The following MLXIPL variants were observed in gnomAD, a reference collection of about 807,000 sequenced individuals.
MLXIPL encodes MLX interacting protein like.
MLXIPL carries 49 observed loss-of-function variants against 81.5 expected under a neutral mutation model. The observed-to-expected ratio is 0.60, with a 90% CI of 0.48 to 0.76. MLXIPL has a LOEUF of 0.76. Ranked by LOEUF, MLXIPL falls within the 30% of genes least tolerant of loss-of-function variation. The pLI is 0.00. For synonymous variants in MLXIPL, 466 were observed against 485.5 expected, an observed-to-expected ratio of 0.96 and a Z score of 0.53; for missense variants, 1,053 against 1,167.0, an observed-to-expected ratio of 0.90 and a Z score of 1.42.
chr7:73,637,562 T>C, the MLXIPL span, among the ~76,000 whole-genome samples: 1 of 152,180 alleles, frequency 6.6e-6, no homozygotes, highest in Non-Finnish European at 1.5e-5. Context: ...TCATATGTCC[T>C]TTGCCAATGT....
the MLXIPL span, among the ~76,000 whole-genome samples, chr7:73,642,528 G>A: frequency 6.6e-6 from 1 of 152,026 alleles, no homozygotes; most frequent in Non-Finnish European, 1.5e-5. Flanking sequence ...ATTTATTTTT[G>A]TATTTTTAGT....
chr7:73,610,566 C>G (rs1271856521), intron 2 of MLXIPL: 1 of 152,246 alleles, frequency 6.6e-6, no homozygotes, highest in Non-Finnish European at 1.5e-5. Flanking sequence ...CTGCACCTCC[C>G]AGGCTCAAGC....
chr7:73,612,048 C>A (rs17145750), intron 2 of MLXIPL, among the ~76,000 whole-genome samples: 2 of 151,462 alleles, frequency 1.3e-5, no homozygotes, highest in Non-Finnish European at 2.9e-5. Flanking sequence ...TGTCCTGGTA[C>A]GGTGTGGTGG....
chr7:73,595,873 C>T lies in MLXIPL; in HGVS notation c.2155G>A (p.Asp719Asn). The T allele has an allele frequency of 1.2e-6, 2 of 1,610,914 alleles. No individual in the cohort carries two copies. Among genetic ancestry groups the T allele is most frequent in the South Asian group, 1.1e-5 (1 of 90,656 alleles). Reference sequence around the variant, plus strand: ...GCGGCATTGAGCTCCTCAATCTCATCCCGCAGCTGCTGGGCCTCCTCCTGC... The same window carrying T: ...GCGGCATTGAGCTCCTCAATCTCATTCCGCAGCTGCTGGGCCTCCTCCTGC... Reference protein sequence around the residue: ...GLQEEAQQLRDEIEELNAAIN... With the variant: ...GLQEEAQQLRNEIEELNAAIN... Residue 719 changes from aspartate (D) to asparagine (N), a missense_variant, in exon 14 of 17, where the codon GAT becomes AAT. This residue lies in a region of MLXIPL where 823 missense variants were observed against 933.0 expected (regional missense o/e 0.88). Coordinates refer to ENST00000313375, the MANE Select transcript of MLXIPL (RefSeq NM_032951.3).
chr7:73,617,003 G>A (rs1430122242), intron 1 of MLXIPL, among the ~76,000 whole-genome samples: 1 of 151,912 alleles, frequency 6.6e-6, no homozygotes, highest in Non-Finnish European at 1.5e-5. Context: ...TTTTGGTTTG[G>A]TTTGGTTTTT....
intron 9 of MLXIPL, 75 bp from the exon 10 acceptor site, chr7:73,597,007 T>C: frequency 6.5e-7 from 1 of 1,533,230 alleles, no homozygotes; most frequent in Non-Finnish European, 8.9e-7. Context: ...ATCCTGCCCC[T>C]CCCAAGAGTC....
At chr7:73,614,690 G>T (rs782328642) in intron 2 of MLXIPL, among the ~76,000 whole-genome samples, 5 of 152,028 alleles carry the variant, frequency 3.3e-5, no homozygotes, top group Non-Finnish European at 7.4e-5. Context: ...ATGAGAATGT[G>T]ACCTCCTTAA....
At chr7:73,647,358 T>C in the MLXIPL span, among the ~76,000 whole-genome samples, 1 of 152,046 alleles carries the variant, frequency 6.6e-6, no homozygotes, top group Admixed American at 6.5e-5. Context: ...TCCACTGGCA[T>C]GTCACCTGCC....
chr7:73,632,735 C>T, the MLXIPL span, among the ~76,000 whole-genome samples: 1 of 142,144 alleles, frequency 7.0e-6, no homozygotes, highest in South Asian at 2.2e-4. Flanking sequence ...CCTTTCATTC[C>T]TTCCTTCTTT....
Position 73,597,698 on chromosome 7 carries a change from G to A in MLXIPL, c.1087C>T (p.Pro363Ser). 1 of 1,358,350 alleles carries A rather than the reference G, an allele frequency of 7.4e-7. No individual in the cohort carries two copies. Among genetic ancestry groups the A allele is most frequent in the South Asian group, 2.3e-5 (1 of 43,912 alleles). The allele number at this position is 1,358,350 out of a possible 1,614,324, so 84.1% of individuals were successfully genotyped here. ...HSRLQARNSC[P>S]GPLDSSAFLS... ...AAGGCGCTGGAGTCCAAGGGGCCAG[G>A]GCAGCTGTTCCGAGCCTGGTTGGGG... Residue 363 changes from proline to serine, a missense_variant, in exon 9 of 17, where the codon CCT (proline) becomes TCT (serine). Coordinates refer to ENST00000313375, the MANE Select transcript of MLXIPL (RefSeq NM_032951.3).
chr7:73,629,403 C>T (rs541670221), upstream of MLXIPL, among the ~76,000 whole-genome samples: 2 of 152,228 alleles, frequency 1.3e-5, no homozygotes, highest in African/African-American at 2.4e-5. Context: ...TGATGACGCA[C>T]GTGCTTTTCC....
chr7:73,601,710 T>G (rs1328427137), intron 7 of MLXIPL, among the ~76,000 whole-genome samples: 1 of 151,658 alleles, frequency 6.6e-6, no homozygotes, highest in East Asian at 2.0e-4. Context: ...TTTGTATTTT[T>G]TAGCAAAAAT....
In MLXIPL at chr7:73,623,396, G is replaced by T. The variant is rs570399330; in HGVS notation, c.293+804C>A. Among the ~76,000 whole-genome samples, 1 of 152,110 alleles carries T rather than the reference G, an allele frequency of 6.6e-6. No homozygotes were observed. The highest frequency in any genetic ancestry group is 1.5e-5 in the Non-Finnish European group (1 of 68,032). Reference sequence around the variant, plus strand: ...GCTCCAGGGCACTGGGCCAGGCCTCGGGTTCGCGCCCTCCTCTGGGACGCG... The same window carrying T: ...GCTCCAGGGCACTGGGCCAGGCCTCTGGTTCGCGCCCTCCTCTGGGACGCG... On this transcript the variant is annotated intron_variant, in intron 1 of 16. Coordinates refer to ENST00000313375, the MANE Select transcript of MLXIPL (RefSeq NM_032951.3). This position sits in a 1 kb window ranked among gnomAD's most constrained non-coding sequence, Gnocchi z 5.7.
rs575519790 is a variant in MLXIPL at position 73,623,943 on chromosome 7, C to T, written c.293+257G>A. 1.3e-5 allele frequency among the ~76,000 whole-genome samples: 2 copies of T among 151,736 alleles called. No homozygotes were observed. Among genetic ancestry groups the T allele is most frequent in the Non-Finnish European group, 2.9e-5 (2 of 67,968 alleles). On this transcript the variant is annotated intron_variant, in intron 1 of 16. Transcript: ENST00000313375. The surrounding 1 kb of genome is among the most constrained non-coding windows in gnomAD (Gnocchi z 5.7). ...GTAGAGGTGGGGCGCAGGCGGTCTG[C>T]GCTTCGGGGAAGAGGGAATGGGGGA...
chr7:73,624,005 C>T (rs917386549), intron 1 of MLXIPL, among the ~76,000 whole-genome samples, 195 bp downstream of exon 1: 1 of 151,864 alleles, frequency 6.6e-6, no homozygotes, highest in African/African-American at 2.4e-5. Context: ...CCGTCAGGGG[C>T]CAGCGGGCTG....
the MLXIPL span, among the ~76,000 whole-genome samples, chr7:73,637,611 C>G: frequency 6.6e-6 from 1 of 152,174 alleles, no homozygotes; most frequent in Non-Finnish European, 1.5e-5. Context: ...CCAGACAGAG[C>G]AAGGACCATG....
the MLXIPL span, among the ~76,000 whole-genome samples, chr7:73,635,442 A>G: frequency 6.6e-6 from 1 of 152,072 alleles, no homozygotes; most frequent in Non-Finnish European, 1.5e-5. Context: ...CTACCCACCC[A>G]TCTGTCTGTT....
At chr7:73,619,629 A>G (rs1796212106) in intron 1 of MLXIPL, among the ~76,000 whole-genome samples, 1 of 151,592 alleles carries the variant, frequency 6.6e-6, no homozygotes, top group Non-Finnish European at 1.5e-5. Context: ...AACCCGACTC[A>G]TAAAAAACAA....
intron 2 of MLXIPL, among the ~76,000 whole-genome samples, chr7:73,613,325 G>A (rs192916165): frequency 1.3e-3 from 201 of 152,300 alleles, no homozygotes; most frequent in East Asian, 0.011. Flanking sequence ...TTGGCCGGGC[G>A]CGGTGGCTCA....
Sources: allele counts gnomAD v4.1 joint callset (sites outside exome capture counted in the v4.1 genomes callset), GRCh38; gene constraint gnomAD v4.1.1; regional missense constraint gnomAD v4.1.1; non-coding constraint Gnocchi (gnomAD v3.1); transcripts MANE v1.5; gene names NCBI Gene and HGNC (gene_info 2026-07-23, HGNC 2026-07-21).